The following DHRS9 variants were observed in gnomAD, a reference collection of about 807,000 sequenced individuals.
DHRS9 encodes dehydrogenase/reductase SDR family member 9.
A neutral mutation model predicts 26.6 loss-of-function variants in DHRS9; 18 were observed. That is an observed-to-expected ratio of 0.68 (90% confidence interval 0.47 to 1.00). The LOEUF is 1.00. Among genes scored for constraint, DHRS9 ranks in the 50% least tolerant of loss-of-function variants. The probability of loss-of-function intolerance (pLI) is 0.00; values close to 1 mark genes in which losing one functional copy is unlikely to be tolerated. For synonymous variants in DHRS9, 134 were observed against 141.1 expected (o/e 0.95, Z 0.36); for missense variants, 425 against 378.7 (o/e 1.12, Z -1.01).
chr2:169,090,240 C>G (rs1684480358), intron 3 of DHRS9, among the ~76,000 whole-genome samples: 1 of 152,138 alleles, frequency 6.6e-6, no homozygotes, highest in East Asian at 1.9e-4. Flanking sequence ...ACTGTATTTT[C>G]CCAGCATGCA....
At chr2:169,085,696 C>A (rs1260557325) in intron 3 of DHRS9, among the ~76,000 whole-genome samples, 1 of 152,044 alleles carries the variant, frequency 6.6e-6, no homozygotes, top group East Asian at 1.9e-4. Context: ...TTGCTGTTAG[C>A]TACTGATTTT....
chr2:169,081,544 A>G lies in DHRS9; in HGVS notation c.-38A>G. ...TCAGGACACCATCTTCTTGTATTAT[A>G]CAAGAAAGGAGTGTACCTATCACAC... On this transcript the variant is annotated 5_prime_UTR_variant, in exon 2 of 5. The change creates a new upstream start codon in the 5' untranslated region. Coordinates refer to ENST00000674881, the MANE Select transcript of DHRS9 (RefSeq NM_001376924.1). 6.3e-7 allele frequency: 1 copy of G among 1,582,970 alleles called. No individual in the cohort carries two copies. Among genetic ancestry groups the G allele is most frequent in the Non-Finnish European group, 8.6e-7 (1 of 1,169,092 alleles).
At chr2:169,084,465 C>T (rs945728537) in intron 3 of DHRS9, among the ~76,000 whole-genome samples, 6 of 152,066 alleles carry the variant, frequency 3.9e-5, no homozygotes, top group Admixed American at 6.5e-5. Context: ...CAATAGTGTA[C>T]GAGGATTCCC....
intron 3 of DHRS9, among the ~76,000 whole-genome samples, chr2:169,090,922 G>A (rs910831388): frequency 9.9e-5 from 15 of 152,272 alleles, no homozygotes; most frequent in African/African-American, 2.6e-4. Flanking sequence ...GCAATCACAG[G>A]GCAAAGAACT....
intron 1 of DHRS9, among the ~76,000 whole-genome samples, chr2:169,080,032 A>AGAAG: frequency 6.9e-6 from 1 of 144,168 alleles, no homozygotes. Context: ...AAAGAAAGAA[A>AGAAG]GAAAGAAAGA....
In DHRS9 at chr2:169,079,094, C is replaced by G. The variant is rs146864787; in HGVS notation, c.-59-2429C>G. 6.8e-3 allele frequency among the ~76,000 whole-genome samples: 1,036 copies of G among 152,040 alleles called. 15 individuals carry two copies. Among genetic ancestry groups the G allele is most frequent in the African/African-American group, 0.024 (980 of 41,488 alleles). On this transcript the variant is annotated intron_variant, in intron 1 of 4. Coordinates refer to ENST00000674881, the MANE Select transcript of DHRS9 (RefSeq NM_001376924.1). ...AAACTCCAGACCTTGTGATCTGCCC[C>G]CCTCTGCCTCCCAAAGTGCTGGGAT...
Position 169,095,631 on chromosome 2 carries a change from T to C in DHRS9, c.824T>C (p.Leu275Pro). Residue 275 changes from leucine (L) to proline (P), a missense_variant, in exon 5 of 5, where the codon CTC becomes CCC. Coordinates refer to ENST00000674881, the MANE Select transcript of DHRS9 (RefSeq NM_001376924.1). ...VECMDHALTS[L>P]FPKTHYAAGK... ...TGCATGGACCACGCTCTAACAAGTC[T>C]CTTCCCTAAGACTCATTATGCCGCT... 6.2e-7 allele frequency: 1 copy of C among 1,614,016 alleles called. No individual in the cohort carries two copies. The highest frequency in any genetic ancestry group is 8.5e-7 in the Non-Finnish European group (1 of 1,179,928).
At chr2:169,080,107 G>A (rs934911598) in intron 1 of DHRS9, among the ~76,000 whole-genome samples, 1 of 152,130 alleles carries the variant, frequency 6.6e-6, no homozygotes, top group African/African-American at 2.4e-5. Flanking sequence ...TTTGAACTCA[G>A]TGTCCAGGAA....
At chr2:169,087,308 C>T (rs1411259274) in intron 3 of DHRS9, among the ~76,000 whole-genome samples, 1 of 152,202 alleles carries the variant, frequency 6.6e-6, no homozygotes, top group East Asian at 1.9e-4. Flanking sequence ...CCAATGTTTA[C>T]TCAAAGCCCA....
chr2:169,078,840 T>TTG (rs1394871554), intron 1 of DHRS9, among the ~76,000 whole-genome samples: 2 of 137,268 alleles, frequency 1.5e-5, no homozygotes, highest in African/African-American at 5.9e-5. Flanking sequence ...TTTTTTTTTT[T>TTG]TGTGACAGAG....
rs757161324 is a variant in DHRS9, at chr2:169,091,968, G to A, written c.736+15G>A. 32 of 1,611,430 alleles carry A rather than the reference G, an allele frequency of 2.0e-5. No homozygotes were observed. Among genetic ancestry groups the A allele is most frequent in the East Asian group, 4.5e-5 (2 of 44,762 alleles). ...CATTGAAAAAAGTGAGTTTCCGGGC[G>A]GTGCCAATGTCCTCTAGAATTCTTT... On this transcript the variant is annotated intron_variant, in intron 4 of 4. Transcript: ENST00000674881.
chr2:169,087,481 A>C (rs1684389042), intron 3 of DHRS9, among the ~76,000 whole-genome samples: 1 of 152,126 alleles, frequency 6.6e-6, no homozygotes, highest in South Asian at 2.1e-4. Flanking sequence ...ACCCCACTGT[A>C]GTCAAACCAA....
At chr2:169,080,963 T>C (rs779542064) in intron 1 of DHRS9, 5 of 167,098 alleles carry the variant, frequency 3.0e-5, no homozygotes, top group Non-Finnish European at 6.1e-5. Context: ...GGGTTGAAGA[T>C]TGACATTAAC....
upstream of DHRS9, chr2:169,067,146 T>C (rs1186558871): frequency 5.2e-6 from 8 of 1,535,354 alleles, no homozygotes; most frequent in African/African-American, 8.2e-5. Context: ...ATTACATCAT[T>C]ATGCCAGAAG....
chr2:169,082,604 C>T (rs550812046), intron 2 of DHRS9, among the ~76,000 whole-genome samples: 1 of 152,230 alleles, frequency 6.6e-6, no homozygotes, highest in East Asian at 1.9e-4. Flanking sequence ...TTTGATAAGG[C>T]TTCGATTTTT....
At chr2:169,068,995 T>C (rs1326629344), upstream of DHRS9, among the ~76,000 whole-genome samples, 8 of 152,190 alleles carry the variant, frequency 5.3e-5, no homozygotes, top group Admixed American at 5.2e-4. Flanking sequence ...CATCCTTTCC[T>C]ATTCTCAGCG....
At chr2:169,068,580 C>T (rs1683712745), upstream of DHRS9, among the ~76,000 whole-genome samples, 3 of 152,222 alleles carry the variant, frequency 2.0e-5, no homozygotes, top group South Asian at 6.2e-4. Flanking sequence ...CCCGCTTTGG[C>T]CTCCCAAAGT....
chr2:169,095,506 T>A, intron 4 of DHRS9, 38 bp from the exon 5 acceptor site: 1 of 1,562,008 alleles, frequency 6.4e-7, no homozygotes, highest in Non-Finnish European at 8.8e-7. Flanking sequence ...TGCTTTCCCC[T>A]TCTACCAAAG....
At chr2:169,086,228 T>G (rs942358548) in intron 3 of DHRS9, among the ~76,000 whole-genome samples, 4 of 152,184 alleles carry the variant, frequency 2.6e-5, no homozygotes, top group Admixed American at 2.0e-4. Context: ...TCTTCAAGCT[T>G]ACTAATTTTT....
Sources: gnomAD v4.1 joint callset for allele counts (sites outside exome capture counted in the v4.1 genomes callset) on GRCh38, gnomAD v4.1.1 for gene constraint, MANE v1.5 for transcripts, NCBI Gene and HGNC (gene_info 2026-07-23, HGNC 2026-07-21) for gene names.